Variants in DNER observed in about 807,000 individuals in gnomAD.
The protein encoded by DNER is delta and Notch-like epidermal growth factor-related receptor.
In DNER, 33 loss-of-function variants were observed where a neutral mutation model predicts 78.2. That is an observed-to-expected ratio of 0.42 (90% CI 0.32 to 0.56). The LOEUF (loss-of-function observed/expected upper bound fraction) is 0.56, where lower values mean the gene tolerates loss of function less well. DNER is among the 20% of genes least tolerant of loss of function. DNER has a pLI of 0.11. For synonymous variants in DNER, 417 were observed against 384.8 expected, an observed-to-expected ratio of 1.08 and a Z score of -0.98; for missense variants, 918 against 975.3, an observed-to-expected ratio of 0.94 and a Z score of 0.78.
chr2:229,552,685 C>G (rs1434686406), intron 4 of DNER, among the ~76,000 whole-genome samples: 2 of 152,214 alleles, frequency 1.3e-5, no homozygotes, highest in Non-Finnish European at 2.9e-5. Flanking sequence ...CCCTGCGGAA[C>G]TGTGAGTCAG....
At chr2:229,708,175 G>A (rs1246792432) in intron 1 of DNER, among the ~76,000 whole-genome samples, 9 of 152,224 alleles carry the variant, frequency 5.9e-5, no homozygotes, top group Non-Finnish European at 1.3e-4. Context: ...AGTGACCAAA[G>A]CAGGTGCAAC....
chr2:229,672,587 G>A (rs1201566448), intron 1 of DNER, among the ~76,000 whole-genome samples: 3 of 151,208 alleles, frequency 2.0e-5, no homozygotes, highest in Non-Finnish European at 2.9e-5. Context: ...AGAAAGGAGA[G>A]AGAGAGGAAA....
intron 7 of DNER, among the ~76,000 whole-genome samples, chr2:229,458,404 AT>A (rs1408570446): frequency 6.6e-6 from 1 of 151,934 alleles, no homozygotes; most frequent in African/African-American, 2.4e-5. Flanking sequence ...AGAAACAGAA[AT>A]TATCAGAGAA....
chr2:229,706,717 G>T (rs1197398954), intron 1 of DNER, among the ~76,000 whole-genome samples: 1 of 152,096 alleles, frequency 6.6e-6, no homozygotes, highest in East Asian at 1.9e-4. Context: ...CTGAAATCTG[G>T]ATTTCATATA....
At chr2:229,419,588 A>T (rs949011840) in intron 8 of DNER, among the ~76,000 whole-genome samples, 1 of 152,158 alleles carries the variant, frequency 6.6e-6, no homozygotes, top group Non-Finnish European at 1.5e-5. Flanking sequence ...TCATATTTGC[A>T]TTATTAACAG....
At chr2:229,510,464 C>A (rs188372976) in intron 6 of DNER, among the ~76,000 whole-genome samples, 3 of 152,260 alleles carry the variant, frequency 2.0e-5, no homozygotes, top group Admixed American at 1.3e-4. Context: ...GCAGCACAGG[C>A]AAGGGGCAAA....
intron 4 of DNER, among the ~76,000 whole-genome samples, chr2:229,563,763 A>C (rs1309380749): frequency 9.8e-5 from 11 of 112,326 alleles, no homozygotes; most frequent in Non-Finnish European, 1.1e-4. Context: ...CATCCTCCTC[A>C]CCCCATCTCC....
intron 7 of DNER, among the ~76,000 whole-genome samples, chr2:229,467,464 C>T (rs765639245): frequency 8.5e-5 from 13 of 152,268 alleles, no homozygotes; most frequent in African/African-American, 1.2e-4. Flanking sequence ...GTCTGTTCAA[C>T]GTTGTCTTGG....
At chr2:229,418,256 T>C in intron 8 of DNER, 26 bp from the exon 9 acceptor site, 1 of 1,613,238 alleles carries the variant, frequency 6.2e-7, no homozygotes, top group Non-Finnish European at 8.5e-7. Flanking sequence ...AAAGGCCCAC[T>C]GTCAAATGCA....
rs11891783 is a variant in DNER at position 229,495,731 on chromosome 2, G to A, written c.1147+17052C>T. On this transcript the variant is annotated intron_variant, in intron 6 of 12. Coordinates refer to ENST00000341772, the MANE Select transcript of DNER (RefSeq NM_139072.4). ...AGAATAATGTTTGACCAAATGTCTC[G>A]GCACCCGCTGGCCCAGTCAAGTTGA... 1.4e-3 allele frequency among the ~76,000 whole-genome samples: 210 copies of A among 152,246 alleles called. 1 individual carries two copies. The highest frequency in any genetic ancestry group is 4.8e-3 in the African/African-American group (200 of 41,538).
At chr2:229,414,656 C>T (rs1204631755) in intron 9 of DNER, among the ~76,000 whole-genome samples, 1 of 152,168 alleles carries the variant, frequency 6.6e-6, no homozygotes, top group East Asian at 1.9e-4. Flanking sequence ...AACCACTTTA[C>T]TTGTTGAAAT....
intron 1 of DNER, among the ~76,000 whole-genome samples, chr2:229,602,712 G>GA (rs970558388): frequency 6.6e-6 from 1 of 152,038 alleles, no homozygotes; most frequent in South Asian, 2.1e-4. Flanking sequence ...TATAATAGAT[G>GA]AAAAAAATTA....
At chr2:229,659,843 G>A (rs542460453) in intron 1 of DNER, among the ~76,000 whole-genome samples, 8 of 152,220 alleles carry the variant, frequency 5.3e-5, no homozygotes, top group South Asian at 2.1e-4. Flanking sequence ...TGCAGAGCAC[G>A]CTGGCGGCTG....
chr2:229,441,297 G>A (rs142199988), intron 8 of DNER, among the ~76,000 whole-genome samples: 1 of 150,574 alleles, frequency 6.6e-6, no homozygotes, highest in East Asian at 1.9e-4. Flanking sequence ...TCAATCAATT[G>A]CCATCCTCAA....
At chr2:229,564,423 CCATCAT>C (rs1163621665) in intron 4 of DNER, among the ~76,000 whole-genome samples, 1 of 140,436 alleles carries the variant, frequency 7.1e-6, no homozygotes, top group Non-Finnish European at 1.5e-5. Flanking sequence ...CACACCATCA[CCATCAT>C]CATCATCATC....
intron 8 of DNER, among the ~76,000 whole-genome samples, chr2:229,437,677 C>G (rs916198371): frequency 6.6e-6 from 1 of 152,120 alleles, no homozygotes; most frequent in Admixed American, 6.5e-5. Context: ...TTCCACTAAG[C>G]CAGTCTTGTG....
At chr2:229,701,446 T>C (rs867814183) in intron 1 of DNER, among the ~76,000 whole-genome samples, 1 of 152,238 alleles carries the variant, frequency 6.6e-6, no homozygotes, top group African/African-American at 2.4e-5. Flanking sequence ...GACACACTTA[T>C]ACAAAAAATG....
intron 1 of DNER, among the ~76,000 whole-genome samples, chr2:229,651,095 A>G (rs1429093618): frequency 1.3e-5 from 2 of 152,148 alleles, no homozygotes; most frequent in African/African-American, 4.8e-5. Flanking sequence ...GAGTCAAGTG[A>G]TGAGAGGACA....
At chr2:229,569,938 AAAC>A (rs1257761009) in intron 4 of DNER, among the ~76,000 whole-genome samples, 10 of 152,274 alleles carry the variant, frequency 6.6e-5, no homozygotes, top group Middle Eastern at 3.4e-3. Flanking sequence ...ACAAAATCTA[AAAC>A]AAGTCGAAAC....
Sources: allele counts gnomAD v4.1 joint callset (sites outside exome capture counted in the v4.1 genomes callset), GRCh38; gene constraint gnomAD v4.1.1; transcripts MANE v1.5; gene names NCBI Gene and HGNC (gene_info 2026-07-23, HGNC 2026-07-21).